The following MOB3C variants were observed in gnomAD, a reference collection of about 807,000 sequenced individuals.
MOB3C encodes the protein MOB1, Mps One Binder kinase activator-like 2C.
A neutral mutation model predicts 19.8 loss-of-function variants in MOB3C; 17 were observed. The ratio of observed to expected loss-of-function variants is 0.86; its 90% CI spans 0.59 to 1.29. The LOEUF (loss-of-function observed/expected upper bound fraction) is 1.29, where lower values mean the gene tolerates loss of function less well. Among genes scored for constraint, MOB3C ranks in the 50% most tolerant of loss-of-function variants. The probability of loss-of-function intolerance (pLI) is 0.00; values close to 1 mark genes in which losing one functional copy is unlikely to be tolerated. For missense variants in MOB3C, 291 were observed against 301.9 expected (o/e 0.96, Z 0.27); for synonymous variants, 101 against 119.2 (o/e 0.85, Z 0.99).
In MOB3C at chr1:46,609,730, C is replaced by A. The variant is rs747086589; in HGVS notation, c.622-46G>T. On this transcript the variant is annotated intron_variant, in intron 3 of 3. Transcript: ENST00000319928. ...GAGGGGTCAATTAGAGCTCAGCCTA[C>A]TAGGCAATCCCTTCCCAAACCATAG... 3.1e-6 allele frequency: 5 copies of A among 1,610,324 alleles called. No individual in the cohort carries two copies. In the South Asian group the frequency reaches 5.5e-5, roughly 18 times the overall value.
intron 1 of MOB3C, chr1:46,614,725 AG>A: frequency 2.2e-6 from 1 of 453,472 alleles, no homozygotes; most frequent in South Asian, 3.7e-5. Context: ...ACCCTGGGAC[AG>A]GATTGGGGAA....
chr1:46,613,147 AGTC>A lies in MOB3C; in HGVS notation c.172_174del (p.Asp58del). 6.2e-7 allele frequency: 1 copy of A among 1,614,270 alleles called. No individual in the cohort carries two copies. Among genetic ancestry groups the A allele is most frequent in the South Asian group, 1.1e-5 (1 of 91,092 alleles). ...AAGTCCACCACGTGCACGGCGATCCAGTCGTCGATGTTCTCCCCGGGTGGTAGC... is the reference window on the plus strand; with the variant it reads ...AAGTCCACCACGTGCACGGCGATCCAGTCGATGTTCTCCCCGGGTGGTAGC... On this transcript the variant is annotated inframe_deletion, in exon 2 of 4. Coordinates refer to ENST00000319928, the MANE Select transcript of MOB3C (RefSeq NM_201403.3).
chr1:46,615,177 C>T, intron 1 of MOB3C: 1 of 887,648 alleles, frequency 1.1e-6, no homozygotes, highest in South Asian at 1.5e-5. Flanking sequence ...GCATGGCCCC[C>T]TTTATGACAG....
Position 46,609,189 on chromosome 1 carries a change from A to G in MOB3C, c.*466T>C. 4.4e-6 allele frequency: 1 copy of G among 227,130 alleles called. No homozygotes were observed. The highest frequency in any genetic ancestry group is 5.2e-5 in the Admixed American group (1 of 19,216). The allele number at this position is 227,130 out of a possible 1,614,324, so 14.1% of individuals were successfully genotyped here. On this transcript the variant is annotated 3_prime_UTR_variant, in exon 4 of 4. Coordinates refer to ENST00000319928, the MANE Select transcript of MOB3C (RefSeq NM_201403.3). The stretch of plus-strand genomic sequence containing the variant: ...ATGGAAGGCCTACTATGTGCCAAGG[A>G]GGGGTAAGGCAGCTAGCTCTCACAG...
Position 46,613,016 on chromosome 1 carries a change from G to A in MOB3C, c.306C>T (p.Asp102=), listed in dbSNP as rs748481466. The change falls in exon 2 of 4, where the codon GAC becomes GAT. Residue 102 remains aspartate (D), a synonymous_variant. Coordinates refer to ENST00000319928, the MANE Select transcript of MOB3C (RefSeq NM_201403.3). ...GGPRYEYRWQ[D]ERQYRRPAKL... ...TGGCGGGCCGCCGGTACTGGCGCTC[G>A]TCCTGCCAGCGGTACTCGTAGCGGG... The A allele has an allele frequency of 1.1e-5, 17 of 1,613,472 alleles. No homozygotes were observed.
chr1:46,615,269 C>A, intron 1 of MOB3C: 1 of 558,928 alleles, frequency 1.8e-6, no homozygotes. Flanking sequence ...CACCAACCAC[C>A]CTGGGCTTCT....
At chr1:46,610,903 A>G (rs868001792) in intron 2 of MOB3C, among the ~76,000 whole-genome samples, 1 of 152,180 alleles carries the variant, frequency 6.6e-6, no homozygotes, top group Non-Finnish European at 1.5e-5. Flanking sequence ...ATACAACTCC[A>G]AGGAGAGTTC....
At position 46,609,040 on chromosome 1, in the gene MOB3C, A is replaced by G. The variant is rs1462129546; in HGVS notation, c.*615T>C. 6.4e-6 allele frequency: 1 copy of G among 156,650 alleles called. No individual in the cohort carries two copies. The highest frequency in any genetic ancestry group is 1.4e-5 in the Non-Finnish European group (1 of 70,420). 9.7% of individuals were successfully genotyped at this position (156,650 alleles called of 1,614,324 possible). ...AACATCTACAACCACATTTTTGTGC[A>G]CTTACACACATGGTCAGATACACTG... On this transcript the variant is annotated 3_prime_UTR_variant, in exon 4 of 4. Coordinates refer to ENST00000319928, the MANE Select transcript of MOB3C (RefSeq NM_201403.3).
At chr1:46,609,830 T>A in intron 3 of MOB3C, 146 bp from the exon 4 acceptor site, 1 of 1,323,892 alleles carries the variant, frequency 7.6e-7, no homozygotes, top group Non-Finnish European at 1.0e-6. Flanking sequence ...TCTGGGTTTG[T>A]AAACCAACAC....
chr1:46,612,062 C>G (rs1675476676), intron 2 of MOB3C, among the ~76,000 whole-genome samples: 1 of 152,170 alleles, frequency 6.6e-6, no homozygotes, highest in Non-Finnish European at 1.5e-5. Context: ...ACCAACAACC[C>G]CCTCCTGCTG....
At chr1:46,609,718 G>C (rs1165336600) in intron 3 of MOB3C, 34 bp from the exon 4 acceptor site, 12 of 1,613,394 alleles carry the variant, frequency 7.4e-6, no homozygotes, top group Middle Eastern at 1.6e-4. Context: ...GGGTCAATTA[G>C]AGCTCAGCCT....
Position 46,609,093 on chromosome 1 carries a change from C to G in MOB3C, c.*562G>C. 5.8e-6 allele frequency: 1 copy of G among 171,870 alleles called. No homozygotes were observed. Among genetic ancestry groups the G allele is most frequent in the South Asian group, 1.2e-4 (1 of 8,304 alleles). The allele number at this position is 171,870 out of a possible 1,614,324, so 10.6% of individuals were successfully genotyped here. ...TGGGGACGCTGAGCTGTCATCACTCCTACAGTGGTCATGGTCTGATGGTCC... is the reference window on the plus strand; with the variant it reads ...TGGGGACGCTGAGCTGTCATCACTCGTACAGTGGTCATGGTCTGATGGTCC... On this transcript the variant is annotated 3_prime_UTR_variant, in exon 4 of 4. Coordinates refer to ENST00000319928, the MANE Select transcript of MOB3C (RefSeq NM_201403.3).
chr1:46,613,121 GA>G lies in MOB3C; in HGVS notation c.200del (p.Phe67SerfsTer89). The part of the protein sequence containing the change: ...DDWIAVHVVD[F>X]FNRINLIYGT... ...CGTAGATGAGGTTGATGCGGTTGAA[GA>G]AGTCCACCACGTGCACGGCGATCCA... On this transcript the variant is annotated frameshift_variant, in exon 2 of 4. Transcript: ENST00000319928. LOFTEE classifies it high-confidence loss of function. The G allele has an allele frequency of 6.2e-7, 1 of 1,614,258 alleles. No homozygotes were observed. The highest frequency in any genetic ancestry group is 1.1e-5 in the South Asian group (1 of 91,086).
intron 3 of MOB3C, 83 bp from the exon 4 acceptor site, chr1:46,609,767 T>C: frequency 6.4e-7 from 1 of 1,565,192 alleles, no homozygotes; most frequent in Non-Finnish European, 8.7e-7. Context: ...GCCTAGCTGC[T>C]CTTCTGTCTG....
In MOB3C at chr1:46,608,680, A is replaced by C. The variant is rs2148801659; in HGVS notation, c.*975T>G. 1 of 152,764 alleles carries C rather than the reference A, an allele frequency of 6.5e-6. No homozygotes were observed. Among genetic ancestry groups the C allele is most frequent in the South Asian group, 2.1e-4 (1 of 4,824 alleles). The allele number at this position is 152,764 out of a possible 1,614,324, so 9.5% of individuals were successfully genotyped here. A position where few individuals can be genotyped will look rare whatever the true frequency, so the allele number is the denominator to read the frequency against. On this transcript the variant is annotated 3_prime_UTR_variant, in exon 4 of 4. Coordinates refer to ENST00000319928, the MANE Select transcript of MOB3C (RefSeq NM_201403.3). This position sits in a 1 kb window ranked among gnomAD's most constrained non-coding sequence, Gnocchi z 4.5. ...CACAAGCTCCTTGGACGGGGAGATT[A>C]TTTTGTGCTGGGCTTCAGATCCGAG...
intron 2 of MOB3C, among the ~76,000 whole-genome samples, chr1:46,612,096 T>A (rs1675479395): frequency 1.3e-5 from 2 of 152,148 alleles, no homozygotes; most frequent in South Asian, 4.1e-4. Context: ...AAGCAGTGCC[T>A]GGGTGACATC....
At chr1:46,613,535 C>G in intron 1 of MOB3C, 164 bp from the exon 2 acceptor site, 1 of 655,680 alleles carries the variant, frequency 1.5e-6, no homozygotes, top group Non-Finnish European at 2.6e-6. Flanking sequence ...GCCCCGCCCT[C>G]TTTCCAGGCT....
chr1:46,615,167 G>T, intron 1 of MOB3C: 1 of 975,678 alleles, frequency 1.0e-6, no homozygotes, highest in Non-Finnish European at 1.6e-6. Flanking sequence ...TCCCCACATT[G>T]CATGGCCCCC....
chr1:46,613,589 CT>C lies in MOB3C; in HGVS notation c.-50-219del, dbSNP rs143239463. On this transcript the variant is annotated intron_variant, in intron 1 of 3. Coordinates refer to ENST00000319928, the MANE Select transcript of MOB3C (RefSeq NM_201403.3). ...AAGCCCCCACAGTCCTCCCATCTTG[CT>C]TTGTCTCTTTTCTGCTTTCATTGCA... is the stretch of plus-strand genomic sequence containing the variant. The C allele has an allele frequency of 2.3e-3, 1,346 of 576,450 alleles. 17 individuals carry two copies. The highest frequency in any genetic ancestry group is 0.023 in the African/African-American group (1,248 of 53,612). The allele number at this position is 576,450 out of a possible 1,614,324, so 35.7% of individuals were successfully genotyped here. A position where few individuals can be genotyped will look rare whatever the true frequency, so the allele number is the denominator to read the frequency against.
Sources: gnomAD v4.1 joint callset for allele counts (sites outside exome capture counted in the v4.1 genomes callset) on GRCh38, gnomAD v4.1.1 for gene constraint, Gnocchi (gnomAD v3.1) non-coding constraint, MANE v1.5 for transcripts, NCBI Gene and HGNC (gene_info 2026-07-23, HGNC 2026-07-21) for gene names.